CDH18: variants seen among roughly 807,000 people sequenced by gnomAD.
CDH18 encodes cadherin 18, also known as cadherin-18.
Under a neutral mutation model 67.9 loss-of-function variants are expected in CDH18, and 31 were observed. The observed-to-expected ratio is 0.46, with a 90% CI of 0.34 to 0.62. CDH18 has a LOEUF of 0.62. Among genes scored for constraint, CDH18 ranks in the 20% least tolerant of loss-of-function variants. The pLI is 0.01. For synonymous variants in CDH18, 362 were observed against 347.2 expected (o/e 1.04, Z -0.48); for missense variants, 890 against 975.5 (o/e 0.91, Z 1.17).
intron 3 of CDH18, among the ~76,000 whole-genome samples, chr5:19,768,468 C>A (rs1773353920): frequency 6.6e-6 from 1 of 152,076 alleles, no homozygotes; most frequent in South Asian, 2.1e-4. Context: ...GATCTAACTT[C>A]TAGTTAAACT....
At chr5:20,469,547 CG>C (rs374464753) in intron 1 of CDH18, among the ~76,000 whole-genome samples, 2 of 152,106 alleles carry the variant, frequency 1.3e-5, no homozygotes, top group African/African-American at 4.8e-5. Flanking sequence ...TTTGCTGTAA[CG>C]GATACCCCGA....
chr5:19,554,871 T>G (rs951861228), intron 8 of CDH18, among the ~76,000 whole-genome samples: 3 of 152,154 alleles, frequency 2.0e-5, no homozygotes, highest in Non-Finnish European at 2.9e-5. Flanking sequence ...ATTTAATTAT[T>G]TTAGACTTCA....
At chr5:20,048,723 G>T (rs1741129174) in intron 2 of CDH18, among the ~76,000 whole-genome samples, 2 of 151,314 alleles carry the variant, frequency 1.3e-5, no homozygotes, top group Admixed American at 1.3e-4. Context: ...CCCTATTCTT[G>T]GTCTGGCCTG....
chr5:20,213,437 A>G (rs1222798174), intron 2 of CDH18, among the ~76,000 whole-genome samples: 2 of 152,072 alleles, frequency 1.3e-5, no homozygotes, highest in African/African-American at 2.4e-5. Flanking sequence ...AATTTTTGGA[A>G]TACTTTCAGT....
chr5:19,753,142 C>G (rs1771082747), intron 3 of CDH18, among the ~76,000 whole-genome samples: 1 of 152,096 alleles, frequency 6.6e-6, no homozygotes, highest in Non-Finnish European at 1.5e-5. Flanking sequence ...CCCAAAAATC[C>G]TACTAGCTTA....
intron 2 of CDH18, among the ~76,000 whole-genome samples, chr5:19,954,416 A>G (rs1796067494): frequency 6.6e-6 from 1 of 152,096 alleles, no homozygotes; most frequent in South Asian, 2.1e-4. Flanking sequence ...AGAGAAAACT[A>G]CACATATCAA....
intron 2 of CDH18, among the ~76,000 whole-genome samples, chr5:20,219,535 A>G (rs904364231): frequency 1.3e-5 from 2 of 151,764 alleles, no homozygotes; most frequent in Non-Finnish European, 2.9e-5. Flanking sequence ...AAAAAAGAAA[A>G]AAACAAATCA....
At chr5:19,519,211 A>T (rs931963805) in intron 10 of CDH18, among the ~76,000 whole-genome samples, 2 of 152,152 alleles carry the variant, frequency 1.3e-5, no homozygotes, top group African/African-American at 2.4e-5. Flanking sequence ...TTATTTTAAC[A>T]ACAGTGAACA....
intron 7 of CDH18, among the ~76,000 whole-genome samples, chr5:19,574,874 A>G (rs564300229): frequency 6.6e-6 from 1 of 152,174 alleles, no homozygotes; most frequent in East Asian, 1.9e-4. Flanking sequence ...CCCTGTCTTT[A>G]CTAAAAATAC....
chr5:20,555,416 T>C (rs999973203), intron 1 of CDH18, among the ~76,000 whole-genome samples: 1 of 7,658 alleles, frequency 1.3e-4, no homozygotes, highest in African/African-American at 2.1e-4. Context: ...TTCTTTTTTT[T>C]TTTTTTTTTT....
chr5:20,160,202 T>G lies in CDH18; in HGVS notation c.-518+95242A>C, dbSNP rs73050786. Among the ~76,000 whole-genome samples, 619 of 152,322 alleles carry G rather than the reference T, an allele frequency of 4.1e-3. 3 individuals are homozygous for G. The highest frequency in any genetic ancestry group is 0.014 in the African/African-American group (592 of 41,572). On this transcript the variant is annotated intron_variant, in intron 2 of 14. Transcript: ENST00000507958. ...CAGTTACATACTAATACTTGGCTAT[T>G]TCTATAAAAATGACCTGTTTAACTA...
chr5:19,481,976 C>T (rs1384553920), intron 12 of CDH18, among the ~76,000 whole-genome samples: 2 of 151,934 alleles, frequency 1.3e-5, no homozygotes, highest in East Asian at 3.9e-4. Flanking sequence ...AAAGAGCATT[C>T]TAAAGAGTTT....
chr5:20,267,298 A>G (rs947984522), intron 1 of CDH18, among the ~76,000 whole-genome samples: 4 of 152,026 alleles, frequency 2.6e-5, no homozygotes, highest in Non-Finnish European at 5.9e-5. Context: ...CTATGTGTTT[A>G]TTTTTATATC....
In CDH18 at chr5:19,563,352, T is replaced by C. The variant is rs149164870; in HGVS notation, c.1253+8227A>G. The stretch of plus-strand genomic sequence containing the variant: ...TTCATCTATAGAATGGAATCAATAA[T>C]ACAGACAGTTTCAGTGTTGTGAAAC... On this transcript the variant is annotated intron_variant, in intron 8 of 12. Coordinates refer to ENST00000382275, the MANE Select transcript of CDH18 (RefSeq NM_004934.5). 2.7e-4 allele frequency among the ~76,000 whole-genome samples: 41 copies of C among 152,280 alleles called. No homozygotes were observed. The East Asian group carries it at 7.7e-3, about 29-fold the overall frequency.
At chr5:19,695,758 C>T (rs1762455990) in intron 5 of CDH18, among the ~76,000 whole-genome samples, 1 of 152,162 alleles carries the variant, frequency 6.6e-6, no homozygotes, top group Non-Finnish European at 1.5e-5. Context: ...TGTATAGCAA[C>T]CTTTGACTGT....
chr5:20,378,257 C>T (rs955492726), intron 1 of CDH18, among the ~76,000 whole-genome samples: 3 of 152,096 alleles, frequency 2.0e-5, no homozygotes, highest in South Asian at 2.1e-4. Flanking sequence ...CTGAAAGCTC[C>T]GCCTCCCGGG....
chr5:20,433,377 C>A (rs911108741), intron 1 of CDH18, among the ~76,000 whole-genome samples: 1 of 151,846 alleles, frequency 6.6e-6, no homozygotes, highest in Admixed American at 6.6e-5. Context: ...TCAAACCAAG[C>A]CTTGTTTTCT....
chr5:19,484,634 A>G (rs1207300151), intron 11 of CDH18, among the ~76,000 whole-genome samples: 1 of 152,210 alleles, frequency 6.6e-6, no homozygotes. Flanking sequence ...CACTGCTGAA[A>G]GGTTACAAAC....
intron 5 of CDH18, among the ~76,000 whole-genome samples, chr5:19,662,681 A>G (rs1031191964): frequency 2.6e-5 from 4 of 151,946 alleles, no homozygotes; most frequent in African/African-American, 9.6e-5. Flanking sequence ...CATCTGGCCT[A>G]TTTTTCTGTA....
Sources: allele counts gnomAD v4.1 joint callset (sites outside exome capture counted in the v4.1 genomes callset), GRCh38; gene constraint gnomAD v4.1.1; transcripts MANE v1.5; gene names NCBI Gene and HGNC (gene_info 2026-07-23, HGNC 2026-07-21).